SIN3A: variants seen among roughly 807,000 people sequenced by gnomAD.
The protein encoded by SIN3A is paired amphipathic helix protein Sin3a.
Under a neutral mutation model 146.1 loss-of-function variants are expected in SIN3A, and 14 were observed. That is an observed-to-expected ratio of 0.10 (90% CI 0.06 to 0.15). The LOEUF is 0.15. SIN3A is among the 10% of genes least tolerant of loss of function. The probability of loss-of-function intolerance (pLI) is 1.00; values close to 1 mark genes in which losing one functional copy is unlikely to be tolerated. For synonymous variants in SIN3A, 572 were observed against 572.0 expected (o/e 1.00, Z 0.00); for missense variants, 1,028 against 1,576.0 (o/e 0.65, Z 5.89).
chr15:75,401,966 C>T lies in SIN3A; in HGVS notation c.1412G>A (p.Arg471Gln), dbSNP rs1173797523. 2.5e-6 allele frequency: 4 copies of T among 1,601,296 alleles called. No individual in the cohort carries two copies. In the South Asian group the frequency reaches 3.3e-5, roughly 13 times the overall value. ...GTESLFFDKVRKALRSAEAYE... is the reference protein window; with the variant it reads ...GTESLFFDKVQKALRSAEAYE... The stretch of plus-strand genomic sequence containing the variant: ...GGCTTCTGCACTCCGAAGAGCCTTT[C>T]GGACCTTATGGAGACAACGGGAAGA... Residue 471 changes from arginine to glutamine, a missense_variant, in exon 10 of 21, where the codon CGA becomes CAA. Coordinates refer to ENST00000394947, the MANE Select transcript of SIN3A (RefSeq NM_001145358.2).
intron 16 of SIN3A, 49 bp downstream of exon 16, chr15:75,389,603 A>AG: frequency 6.3e-7 from 1 of 1,575,892 alleles, no homozygotes; most frequent in Non-Finnish European, 8.7e-7. Context: ...GCCCATCTCT[A>AG]GGTAAGGATT....
chr15:75,414,377 AAAAC>A (rs1223319749), intron 3 of SIN3A, 66 bp from the exon 4 acceptor site: 7 of 829,768 alleles, frequency 8.4e-6, no homozygotes, highest in African/African-American at 1.7e-5. Flanking sequence ...AAAAAAAACA[AAAAC>A]AAATTATTTA....
At chr15:75,372,351 G>GAA in intron 20 of SIN3A, 142 bp from the exon 21 acceptor site, 4 of 429,470 alleles carry the variant, frequency 9.3e-6, no homozygotes, top group Admixed American at 4.2e-5. Context: ...TTTCTTAAAA[G>GAA]AAAAAAAAAA....
Position 75,401,835 on chromosome 15 carries a change from C to G in SIN3A, c.1526+17G>C. On this transcript the variant is annotated intron_variant, in intron 10 of 20. Coordinates refer to ENST00000394947, the MANE Select transcript of SIN3A (RefSeq NM_001145358.2). ...CTCCATATCATGCATCAGGGCTAAG[C>G]CCCTCACTTCACTTACCCCAGGAAA... 1 of 1,426,254 alleles carries G rather than the reference C, an allele frequency of 7.0e-7. No individual in the cohort carries two copies. Among genetic ancestry groups the G allele is most frequent in the Non-Finnish European group, 9.9e-7 (1 of 1,009,166 alleles). 88.3% of individuals were successfully genotyped at this position (1,426,254 alleles called of 1,614,324 possible).
Position 75,400,101 on chromosome 15 carries a change from A to G in SIN3A, c.1793T>C (p.Val598Ala). 1 of 1,612,706 alleles carries G rather than the reference A, an allele frequency of 6.2e-7. No individual in the cohort carries two copies. The highest frequency in any genetic ancestry group is 8.5e-7 in the Non-Finnish European group (1 of 1,178,728). The change falls in exon 12 of 21, where the codon GTG (valine) becomes GCG (alanine). Residue 598 changes from valine (V) to alanine (A), a missense_variant. Around this residue, in one of 9 missense-constraint regions of SIN3A, gnomAD observed 157 missense variants for 284.8 expected, o/e 0.55. Coordinates refer to ENST00000394947, the MANE Select transcript of SIN3A (RefSeq NM_001145358.2). ...FPSWSEDSTFVSSKKTQYEEH... is the reference protein window; with the variant it reads ...FPSWSEDSTFASSKKTQYEEH... ...TTCATATTGAGTCTTCTTGGAACTC[A>G]CAAAGGTAGAGTCCTCAGACCACGA... is the stretch of plus-strand genomic sequence containing the variant.
chr15:75,423,819 C>A (rs1339120236), intron 2 of SIN3A, among the ~76,000 whole-genome samples: 3 of 151,866 alleles, frequency 2.0e-5, no homozygotes, highest in African/African-American at 7.3e-5. Context: ...ATGGTAAGAC[C>A]CTGTCTCTAC....
chr15:75,388,032 G>A (rs1399009467), intron 16 of SIN3A, among the ~76,000 whole-genome samples: 3 of 150,696 alleles, frequency 2.0e-5, no homozygotes, highest in Admixed American at 6.6e-5. Context: ...TACTGTGGGA[G>A]GAGTACAGAG....
At chr15:75,391,540 G>A (rs2073201009) in intron 15 of SIN3A, among the ~76,000 whole-genome samples, 1 of 151,734 alleles carries the variant, frequency 6.6e-6, no homozygotes, top group South Asian at 2.1e-4. Context: ...ACACTCCTCA[G>A]GTTGGCTATT....
chr15:75,385,572 A>C (rs1031316958), intron 16 of SIN3A, among the ~76,000 whole-genome samples: 3 of 152,252 alleles, frequency 2.0e-5, no homozygotes, highest in African/African-American at 7.2e-5. Flanking sequence ...CTTTATCATC[A>C]AAATGACAGA....
intron 9 of SIN3A, among the ~76,000 whole-genome samples, chr15:75,406,645 G>A (rs1381114007): frequency 1.3e-5 from 2 of 152,066 alleles, no homozygotes; most frequent in African/African-American, 2.4e-5. Context: ...CCGAGATTGC[G>A]CCACTGCACT....
intron 1 of SIN3A, among the ~76,000 whole-genome samples, chr15:75,443,300 A>C (rs2074249454): frequency 6.6e-6 from 1 of 152,206 alleles, no homozygotes; most frequent in Non-Finnish European, 1.5e-5. Context: ...TGTCCAATGA[A>C]AGCTTAAAAG....
intron 1 of SIN3A, among the ~76,000 whole-genome samples, chr15:75,445,759 G>GAAAAAA (rs774883850): frequency 5.8e-5 from 5 of 86,418 alleles, no homozygotes; most frequent in African/African-American, 1.7e-4. Context: ...TCAAAAAAAA[G>GAAAAAA]AAAAAAAAAA....
intron 1 of SIN3A, among the ~76,000 whole-genome samples, chr15:75,440,782 A>C (rs1456412813): frequency 5.9e-5 from 9 of 151,966 alleles, no homozygotes; most frequent in Non-Finnish European, 1.3e-4. Context: ...GGAGATCGAG[A>C]CCATCCTGGC....
intron 17 of SIN3A, 138 bp from the exon 18 acceptor site, chr15:75,381,843 T>C (rs2072978189): frequency 1.4e-6 from 1 of 693,374 alleles, no homozygotes; most frequent in Admixed American, 3.2e-5. Flanking sequence ...ATACTAGATC[T>C]TGGGTGGCCA....
chr15:75,401,202 A>G (rs1161522273), intron 10 of SIN3A, among the ~76,000 whole-genome samples: 1 of 152,204 alleles, frequency 6.6e-6, no homozygotes, highest in African/African-American at 2.4e-5. Context: ...TATTGCTTTA[A>G]TGTTCACATA....
In SIN3A at chr15:75,394,772, G is replaced by A; in HGVS notation, c.2185C>T (p.Leu729=). 5 of 1,614,120 alleles carry A rather than the reference G, an allele frequency of 3.1e-6. No individual in the cohort carries two copies. Among genetic ancestry groups the A allele is most frequent in the Non-Finnish European group, 4.2e-6 (5 of 1,180,010 alleles). ...TTAAAGTTGATCCCCTGGTGGTCCA[G>A]AGACTTCAAGTAGTATTTCTCATTT... The part of the protein sequence containing the change: ...EQNEKYYLKS[L]DHQGINFKQN... The change falls in exon 14 of 21, where the codon CTG becomes TTG. Residue 729 remains leucine (L), a synonymous_variant. Coordinates refer to ENST00000394947, the MANE Select transcript of SIN3A (RefSeq NM_001145358.2).
chr15:75,409,187 G>C (rs186989503), intron 8 of SIN3A, among the ~76,000 whole-genome samples: 31 of 151,756 alleles, frequency 2.0e-4, no homozygotes, highest in Non-Finnish European at 3.5e-4. Flanking sequence ...CTGGGCGACA[G>C]AGCAAGACTC....
Position 75,422,686 on chromosome 15 carries a change from A to C in SIN3A, c.327T>G (p.Val109=). The C allele has an allele frequency of 6.2e-7, 1 of 1,614,220 alleles. No homozygotes were observed. The highest frequency in any genetic ancestry group is 1.3e-5 in the African/African-American group (1 of 75,068). ...ATTGCTGCTGTCCCTGCACTGGTGC[A>C]ACTGGTGGGGCTGGATGAGCATGAC... is the stretch of plus-strand genomic sequence containing the variant. The part of the protein sequence containing the change: ...VQSHAHPAPP[V]APVQGQQQFQ... The change falls in exon 3 of 21, where the codon GTT becomes GTG. Residue 109 remains valine, a synonymous_variant. Coordinates refer to ENST00000394947, the MANE Select transcript of SIN3A (RefSeq NM_001145358.2).
chr15:75,402,339 C>T (rs975867739), intron 9 of SIN3A, among the ~76,000 whole-genome samples: 1 of 151,904 alleles, frequency 6.6e-6, no homozygotes, highest in African/African-American at 2.4e-5. Flanking sequence ...TGCTGAAACC[C>T]CGTCTCTACT....
Sources: allele counts gnomAD v4.1 joint callset (sites outside exome capture counted in the v4.1 genomes callset), GRCh38; gene constraint gnomAD v4.1.1; regional missense constraint gnomAD v4.1.1; transcripts MANE v1.5; gene names NCBI Gene and HGNC (gene_info 2026-07-23, HGNC 2026-07-21).